CARNMT1: variants seen among roughly 807,000 people sequenced by gnomAD.
CARNMT1 encodes the protein protein-L-histidine N-pros-methyltransferase CARNMT1.
In CARNMT1, 28 loss-of-function variants were observed where a neutral mutation model predicts 49.6. The observed-to-expected ratio is 0.56, with a 90% CI of 0.42 to 0.77. CARNMT1 has a LOEUF of 0.77. Ranked by LOEUF, CARNMT1 falls within the 30% of genes least tolerant of loss-of-function variation. The pLI is 0.00. For synonymous variants in CARNMT1, 178 were observed against 175.0 expected, an observed-to-expected ratio of 1.02 and a Z score of -0.13; for missense variants, 421 against 512.6, an observed-to-expected ratio of 0.82 and a Z score of 1.73.
At chr9:75,019,141 T>C (rs928157001) in intron 1 of CARNMT1, among the ~76,000 whole-genome samples, 3 of 152,140 alleles carry the variant, frequency 2.0e-5, no homozygotes, top group African/African-American at 7.2e-5. Flanking sequence ...GACTAAACGC[T>C]GATCTTTTTT....
chr9:74,991,263 C>A (rs558828443), intron 6 of CARNMT1: 34 of 152,472 alleles, frequency 2.2e-4, no homozygotes, highest in African/African-American at 8.2e-4. Context: ...CTGCCTCAGC[C>A]TCCCGAGTAG....
rs1406824437 is a variant in CARNMT1 at position 75,007,730 on chromosome 9, AAAAAATAAAAATAAT to A, written c.591-7875_591-7861del. On this transcript the variant is annotated intron_variant, in intron 3 of 7. Transcript: ENST00000376834. ...GGTGACAGAGCGAGACCCTGTCTCA[AAAAAATAAAAATAAT>A]AAAAAAAAAAAAACTAAGAAAATTC... is the stretch of plus-strand genomic sequence containing the variant. Among the ~76,000 whole-genome samples, 23 of 132,030 alleles carry A rather than the reference AAAAAATAAAAATAAT, an allele frequency of 1.7e-4. 3 individuals are homozygous for A. The highest frequency in any genetic ancestry group is 3.4e-4 in the Non-Finnish European group (21 of 61,224). 86.6% of individuals were successfully genotyped at this position (132,030 alleles called of 152,430 possible). A position where few individuals can be genotyped will look rare whatever the true frequency, so the allele number is the denominator to read the frequency against.
At chr9:75,022,977 C>T (rs1297650999) in intron 1 of CARNMT1, among the ~76,000 whole-genome samples, 1 of 151,838 alleles carries the variant, frequency 6.6e-6, no homozygotes, top group African/African-American at 2.4e-5. Flanking sequence ...CCTGTCTCTA[C>T]TAAAAATACA....
intron 6 of CARNMT1, among the ~76,000 whole-genome samples, chr9:74,988,065 T>G (rs1026973994): frequency 3.3e-5 from 5 of 152,118 alleles, no homozygotes; most frequent in Admixed American, 3.3e-4. Flanking sequence ...GTTCTTTTTT[T>G]CTTTTTTAAT....
intron 3 of CARNMT1, among the ~76,000 whole-genome samples, chr9:75,013,668 C>T (rs1833763887): frequency 6.6e-6 from 1 of 151,740 alleles, no homozygotes; most frequent in Admixed American, 6.6e-5. Context: ...TACATGTATG[C>T]TATATTATCT....
chr9:75,025,199 A>G (rs1030627844), intron 1 of CARNMT1, among the ~76,000 whole-genome samples: 5 of 152,242 alleles, frequency 3.3e-5, no homozygotes, highest in Non-Finnish European at 7.3e-5. Context: ...CAGCATCACC[A>G]GTGGCACGTC....
At chr9:75,020,267 CTT>C (rs200444980) in intron 1 of CARNMT1, among the ~76,000 whole-genome samples, 5 of 124,282 alleles carry the variant, frequency 4.0e-5, no homozygotes, top group African/African-American at 6.1e-5. Context: ...CATTTTTCTT[CTT>C]TTTTTTTTTT....
intron 1 of CARNMT1, chr9:75,027,326 T>C (rs992073350): frequency 1.8e-5 from 14 of 788,614 alleles, no homozygotes; most frequent in Non-Finnish European, 2.2e-5. Context: ...AGATACAGAT[T>C]TGCAGAAAAA....
At chr9:74,998,513 G>T (rs1483816803) in intron 5 of CARNMT1, 85 bp downstream of exon 5, 3 of 1,103,410 alleles carry the variant, frequency 2.7e-6, no homozygotes, top group Non-Finnish European at 3.7e-6. Context: ...CAAAATGAAT[G>T]ATCTAAACCT....
chr9:74,985,737 G>A lies in CARNMT1; in HGVS notation c.1025-727C>T, dbSNP rs980451394. ...TGAGATTACAGGAACCTGTCGCCAC[G>A]CCAGGCTAATTTTTATATTTTTAGT... On this transcript the variant is annotated intron_variant, in intron 6 of 7. Coordinates refer to ENST00000376834, the MANE Select transcript of CARNMT1 (RefSeq NM_152420.3). Among the ~76,000 whole-genome samples, 17 of 152,126 alleles carry A rather than the reference G, an allele frequency of 1.1e-4. No homozygotes were observed. The East Asian group carries it at 2.9e-3, about 26-fold the overall frequency.
intron 3 of CARNMT1, among the ~76,000 whole-genome samples, chr9:75,008,064 A>C (rs1833570020): frequency 6.6e-6 from 1 of 151,022 alleles, no homozygotes; most frequent in African/African-American, 2.4e-5. Flanking sequence ...TCTATTTATA[A>C]TAGCATCTAA....
chr9:74,990,780 C>T (rs531774946), intron 6 of CARNMT1, among the ~76,000 whole-genome samples: 164 of 152,212 alleles, frequency 1.1e-3, no homozygotes, highest in Non-Finnish European at 1.4e-3. Context: ...AGGGATATGT[C>T]GAAAGAACAG....
chr9:74,998,526 G>A (rs1833261996), intron 5 of CARNMT1, 72 bp downstream of exon 5: 1 of 1,243,802 alleles, frequency 8.0e-7, no homozygotes. Context: ...CTAAACCTTG[G>A]CTTAGGATAA....
chr9:75,023,689 A>G (rs915684412), intron 1 of CARNMT1, among the ~76,000 whole-genome samples: 21 of 152,216 alleles, frequency 1.4e-4, no homozygotes, highest in African/African-American at 4.3e-4. Context: ...ACGCTATCAG[A>G]ATTGCTTTAA....
chr9:74,994,999 G>T (rs1157210443), intron 6 of CARNMT1, among the ~76,000 whole-genome samples: 4 of 151,970 alleles, frequency 2.6e-5, no homozygotes, highest in African/African-American at 7.3e-5. Flanking sequence ...AACTTTATGT[G>T]CTTCAGGTAG....
intron 1 of CARNMT1, among the ~76,000 whole-genome samples, chr9:75,024,934 A>C (rs1293344754): frequency 1.3e-5 from 2 of 152,212 alleles, no homozygotes; most frequent in Non-Finnish European, 2.9e-5. Flanking sequence ...TTGTATGTTA[A>C]TATATTACGT....
chr9:74,994,655 A>G (rs957608814), intron 6 of CARNMT1, among the ~76,000 whole-genome samples: 18 of 152,226 alleles, frequency 1.2e-4, no homozygotes, highest in African/African-American at 4.3e-4. Flanking sequence ...ATGGCATAAA[A>G]AATGAAAAAC....
chr9:74,999,678 GTC>G, intron 4 of CARNMT1, 50 bp downstream of exon 4: 1 of 1,517,108 alleles, frequency 6.6e-7, no homozygotes, highest in South Asian at 1.2e-5. Flanking sequence ...AAATAGGTAA[GTC>G]AATCTGATTC....
chr9:75,023,660 C>T (rs1822442402), intron 1 of CARNMT1, among the ~76,000 whole-genome samples: 1 of 152,226 alleles, frequency 6.6e-6, no homozygotes, highest in African/African-American at 2.4e-5. Context: ...GGGCTAACTT[C>T]ACTATCCTGC....
Sources: allele counts gnomAD v4.1 joint callset (sites outside exome capture counted in the v4.1 genomes callset), GRCh38; gene constraint gnomAD v4.1.1; transcripts MANE v1.5; gene names NCBI Gene and HGNC (gene_info 2026-07-23, HGNC 2026-07-21).